Variants in CEACAM19 observed in about 807,000 individuals in gnomAD.
CEACAM19 encodes CEA cell adhesion molecule 19, also known as cell adhesion molecule CEACAM19.
In CEACAM19, 37 loss-of-function variants were observed where a neutral mutation model predicts 37.6. The observed-to-expected ratio is 0.98, with a 90% CI of 0.76 to 1.29. The LOEUF is 1.29. Ranked by LOEUF, CEACAM19 falls within the 50% of genes most tolerant of loss-of-function variation. The pLI, the probability that CEACAM19 is intolerant of heterozygous loss-of-function variation, is 0.00. For synonymous variants in CEACAM19, 140 were observed against 149.8 expected (o/e 0.93, Z 0.48); for missense variants, 340 against 375.6 (o/e 0.91, Z 0.78).
upstream of CEACAM19, among the ~76,000 whole-genome samples, chr19:44,668,248 TTA>T (rs1973776900): frequency 1.2e-5 from 1 of 85,236 alleles, no homozygotes; most frequent in African/African-American, 5.1e-5. Context: ...TATAATATGT[TTA>T]TATATTATTA....
At chr19:44,676,512 T>C (rs1013784694) in intron 3 of CEACAM19, 91 bp downstream of exon 3, 6 of 1,291,310 alleles carry the variant, frequency 4.6e-6, no homozygotes, top group African/African-American at 1.5e-5. Context: ...ATCCGGCTCA[T>C]ACACAATCTC....
At chr19:44,666,796 G>A (rs529199049), upstream of CEACAM19, among the ~76,000 whole-genome samples, 5 of 151,696 alleles carry the variant, frequency 3.3e-5, no homozygotes, top group South Asian at 8.3e-4. Flanking sequence ...GCAGGGTCAC[G>A]AGGGGTGGGG....
At chr19:44,682,320 CAG>C (rs1444997363) in intron 6 of CEACAM19, among the ~76,000 whole-genome samples, 1 of 152,136 alleles carries the variant, frequency 6.6e-6, no homozygotes, top group Admixed American at 6.6e-5. Context: ...GAGGTGTTGA[CAG>C]GGGTAGACTG....
chr19:44,671,206 CT>C (rs1973849951), upstream of CEACAM19: 1 of 153,084 alleles, frequency 6.5e-6, no homozygotes, highest in African/African-American at 2.4e-5. Context: ...CCTGCAACCC[CT>C]GCCTCCCAAG....
chr19:44,676,927 G>A (rs1286852675), intron 3 of CEACAM19, among the ~76,000 whole-genome samples: 1 of 152,130 alleles, frequency 6.6e-6, no homozygotes, highest in Non-Finnish European at 1.5e-5. Flanking sequence ...AAAAAACAAG[G>A]AATTGTTTAA....
chr19:44,668,114 AAT>A (rs1362581808), upstream of CEACAM19, among the ~76,000 whole-genome samples: 6 of 83,572 alleles, frequency 7.2e-5, no homozygotes, highest in Non-Finnish European at 1.2e-4. Flanking sequence ...TATTTTATAT[AAT>A]ATGTTATATA....
At chr19:44,679,293 C>G (rs1313405296) in intron 4 of CEACAM19, among the ~76,000 whole-genome samples, 1 of 152,172 alleles carries the variant, frequency 6.6e-6, no homozygotes, top group Non-Finnish European at 1.5e-5. Context: ...TCACTTGGTT[C>G]CAGTGTACTT....
upstream of CEACAM19, among the ~76,000 whole-genome samples, chr19:44,666,790 G>A (rs566723284): frequency 2.8e-4 from 43 of 151,638 alleles, no homozygotes; most frequent in African/African-American, 9.3e-4. Flanking sequence ...TCTTGAGCAG[G>A]GTCACGAGGG....
At chr19:44,681,646 T>C (rs1441156945) in intron 6 of CEACAM19, among the ~76,000 whole-genome samples, 1 of 152,174 alleles carries the variant, frequency 6.6e-6, no homozygotes, top group Non-Finnish European at 1.5e-5. Flanking sequence ...ATGAGTCATT[T>C]AGGCTGGGCG....
chr19:44,682,981 G>A, intron 7 of CEACAM19: 1 of 285,690 alleles, frequency 3.5e-6, no homozygotes, highest in East Asian at 7.9e-5. Context: ...CCTGTCAGCT[G>A]TCTGTCCCTG....
upstream of CEACAM19, among the ~76,000 whole-genome samples, chr19:44,668,085 A>T (rs1378700916): frequency 1.2e-5 from 1 of 86,166 alleles, no homozygotes; most frequent in African/African-American, 4.9e-5. Context: ...ATATATTTAT[A>T]TATTATATAT....
intron 2 of CEACAM19, 101 bp from the exon 3 acceptor site, chr19:44,676,170 A>G: frequency 8.2e-7 from 1 of 1,213,686 alleles, no homozygotes; most frequent in Non-Finnish European, 1.2e-6. Context: ...ACTGCACCTC[A>G]GTTCTCCATG....
rs377385772 is a variant in CEACAM19, at chr19:44,683,425, C to A, written c.847-12C>A. ...CCCAGTCATAATTCTGTTCTCTCTT[C>A]CCCCCAAGCAGGACCTGCTAAACCC... On this transcript the variant is annotated splice_polypyrimidine_tract_variant and intron_variant, in intron 7 of 7. Coordinates refer to ENST00000358777, the MANE Select transcript of CEACAM19 (RefSeq NM_001127893.3). The A allele has an allele frequency of 1.4e-6, 2 of 1,481,272 alleles. No individual in the cohort carries two copies. The highest frequency in any genetic ancestry group is 1.8e-6 in the Non-Finnish European group (2 of 1,092,706). The allele number at this position is 1,481,272 out of a possible 1,614,324, so 91.8% of individuals were successfully genotyped here.
chr19:44,671,696 C>T lies in CEACAM19; in HGVS notation c.-236C>T. On this transcript the variant is annotated 5_prime_UTR_variant, in exon 1 of 8. Coordinates refer to ENST00000358777, the MANE Select transcript of CEACAM19 (RefSeq NM_001127893.3). ...CAGGGGAGGAGTCCTGGGAAGTTCC[C>T]CAGTCACCCTGAAAAACTGGTTCAA... 1 of 508,646 alleles carries T rather than the reference C, an allele frequency of 2.0e-6. No individual in the cohort carries two copies. Among genetic ancestry groups the T allele is most frequent in the Non-Finnish European group, 3.5e-6 (1 of 284,410 alleles). 31.5% of individuals were successfully genotyped at this position (508,646 alleles called of 1,614,324 possible).
intron 7 of CEACAM19, 82 bp downstream of exon 7, chr19:44,682,702 C>A (rs1974084025): frequency 1.5e-6 from 2 of 1,314,772 alleles, no homozygotes; most frequent in Non-Finnish European, 2.1e-6. Context: ...GGGGTCAAGA[C>A]AACTGAAACT....
At chr19:44,675,643 A>T (rs1973935019) in intron 2 of CEACAM19, among the ~76,000 whole-genome samples, 1 of 152,006 alleles carries the variant, frequency 6.6e-6, no homozygotes, top group Non-Finnish European at 1.5e-5. Flanking sequence ...AAAATTAGCC[A>T]GGAGTGGTAG....
chr19:44,675,097 CGTGTGTGTGTGTGTGTGTGTGTGTGT>C (rs59147604), intron 2 of CEACAM19, among the ~76,000 whole-genome samples: 1 of 143,800 alleles, frequency 7.0e-6, no homozygotes, highest in Admixed American at 7.1e-5. Context: ...CAGAGAACAG[CGTGTGTGTGTGTGTGTGTGTGTGTGT>C]GTGTGTGTGT....
chr19:44,670,322 TAA>T (rs78422289), upstream of CEACAM19, among the ~76,000 whole-genome samples: 46 of 126,958 alleles, frequency 3.6e-4, no homozygotes, highest in Admixed American at 5.6e-4. Flanking sequence ...GACCCTGTCT[TAA>T]AAAAAAAAAA....
At chr19:44,667,684 TATAAATATATAATATATATTATATAA>T (rs1973745130), upstream of CEACAM19, among the ~76,000 whole-genome samples, 1 of 83,472 alleles carries the variant, frequency 1.2e-5, no homozygotes, top group South Asian at 2.9e-4. Flanking sequence ...ATATTATATA[TATAAATATATAATATATATTATATAA>T]ATATATATAA....
Sources: allele counts gnomAD v4.1 joint callset (sites outside exome capture counted in the v4.1 genomes callset), GRCh38; gene constraint gnomAD v4.1.1; transcripts MANE v1.5; gene names NCBI Gene and HGNC (gene_info 2026-07-23, HGNC 2026-07-21).